DENND5A: variants seen among roughly 807,000 people sequenced by gnomAD.
The protein encoded by DENND5A is DENN domain containing 5A.
In DENND5A, 64 loss-of-function variants were observed where a neutral mutation model predicts 140.3. That is an observed-to-expected ratio of 0.46 (90% CI 0.37 to 0.56). The LOEUF (loss-of-function observed/expected upper bound fraction) is 0.56. Among genes scored for constraint, DENND5A ranks in the 20% least tolerant of loss-of-function variants. The pLI, the probability that DENND5A is intolerant of heterozygous loss-of-function variation, is 0.00. For missense variants in DENND5A, 1,292 were observed against 1,593.8 expected (o/e 0.81, Z 3.22); for synonymous variants, 605 against 607.7 (o/e 1.00, Z 0.07).
intron 3 of DENND5A, among the ~76,000 whole-genome samples, chr11:9,206,406 G>C (rs1446892979): frequency 6.6e-6 from 1 of 152,042 alleles, no homozygotes; most frequent in Non-Finnish European, 1.5e-5. Flanking sequence ...ATAATCAACA[G>C]ATCAGGACCA....
chr11:9,238,193 G>A (rs767703653), intron 1 of DENND5A, among the ~76,000 whole-genome samples: 23 of 151,960 alleles, frequency 1.5e-4, no homozygotes, highest in Non-Finnish European at 2.6e-4. Context: ...GCATACTCAC[G>A]ATACAGTATC....
At chr11:9,238,565 C>T (rs758166620) in intron 1 of DENND5A, among the ~76,000 whole-genome samples, 3 of 151,782 alleles carry the variant, frequency 2.0e-5, no homozygotes, top group African/African-American at 7.3e-5. Flanking sequence ...CACAGGCGCC[C>T]GCCACCAAGC....
rs769758504 is a variant in DENND5A, at chr11:9,165,843, C to T, written c.2276G>A (p.Arg759His). The T allele has an allele frequency of 5.5e-5, 88 of 1,613,908 alleles. No homozygotes were observed. The highest frequency in any genetic ancestry group is 1.7e-4 in the Middle Eastern group (1 of 6,060). Residue 759 changes from arginine (R) to histidine (H), a missense_variant, in exon 11 of 23, where the codon CGC becomes CAC. By Grantham distance (29) the Arg-to-His change is conservative (BLOSUM62 0). Coordinates refer to ENST00000328194, the MANE Select transcript of DENND5A (RefSeq NM_015213.4). ...GAGATGTCCACAGCTTACCTTATTG[C>T]GGCATTCCTTCAGCAGGCCCTCTAC... Reference protein sequence around the residue: ...KFVEGLLKECRNKTKRMLVEK... With the variant: ...KFVEGLLKECHNKTKRMLVEK...
intron 12 of DENND5A, among the ~76,000 whole-genome samples, chr11:9,155,609 G>A (rs1396762911): frequency 6.6e-6 from 1 of 152,204 alleles, no homozygotes; most frequent in African/African-American, 2.4e-5. Flanking sequence ...GTTCAATACA[G>A]CCTGACTATC....
At chr11:9,254,309 G>C (rs1356975671) in intron 1 of DENND5A, among the ~76,000 whole-genome samples, 2 of 152,116 alleles carry the variant, frequency 1.3e-5, no homozygotes, top group East Asian at 3.9e-4. Context: ...CTGTACCCTA[G>C]CCTGGGTCTG....
At chr11:9,215,666 G>C (rs558083051) in intron 1 of DENND5A, among the ~76,000 whole-genome samples, 2 of 151,350 alleles carry the variant, frequency 1.3e-5, no homozygotes, top group African/African-American at 4.9e-5. Context: ...TCCTGTCTCA[G>C]CCTCCCTAGT....
At chr11:9,210,326 C>T (rs1397693027) in intron 1 of DENND5A, among the ~76,000 whole-genome samples, 2 of 152,184 alleles carry the variant, frequency 1.3e-5, no homozygotes, top group African/African-American at 4.8e-5. Flanking sequence ...ATTATACAAA[C>T]ATCAGCAGAT....
Position 9,142,707 on chromosome 11 carries a change from T to A in DENND5A, c.3511+15A>T. ...CTACATGCTTCTCCCACCCTCATAC[T>A]CCAGCTCAACTCACCCAGGAAATCC... On this transcript the variant is annotated intron_variant, in intron 21 of 22. Transcript: ENST00000328194. 6.2e-7 allele frequency: 1 copy of A among 1,613,976 alleles called. No homozygotes were observed. Among genetic ancestry groups the A allele is most frequent in the Non-Finnish European group, 8.5e-7 (1 of 1,179,956 alleles).
chr11:9,236,162 G>A (rs1850991187), intron 1 of DENND5A, among the ~76,000 whole-genome samples: 1 of 151,120 alleles, frequency 6.6e-6, no homozygotes, highest in Non-Finnish European at 1.5e-5. Flanking sequence ...GGTCGAGGCT[G>A]CAGTGAGCCA....
chr11:9,155,855 T>G (rs1256534263), intron 12 of DENND5A, among the ~76,000 whole-genome samples: 1 of 152,246 alleles, frequency 6.6e-6, no homozygotes, highest in Non-Finnish European at 1.5e-5. Context: ...GAGGTTCTTA[T>G]GAAGACTTGC....
Position 9,145,786 on chromosome 11 carries a change from T to G in DENND5A, c.2887A>C (p.Ser963Arg), listed in dbSNP as rs764522991. The change falls in exon 17 of 23, where the codon AGC (serine) becomes CGC (arginine). Residue 963 changes from serine (S) to arginine (R), a missense_variant. Physicochemically the swap from Ser to Arg is moderately radical, Grantham distance 110. Around this residue, in one of 4 missense-constraint regions of DENND5A, gnomAD observed 498 missense variants for 689.7 expected, o/e 0.72. Coordinates refer to ENST00000328194, the MANE Select transcript of DENND5A (RefSeq NM_015213.4). ...AACATGGAGCCCCCCAGCTTCTTGC[T>G]TGGTACGATCAGAATGTGGTACGGG... ...LIPYHILIVPSKKLGGSMFTA... is the reference protein window; with the variant it reads ...LIPYHILIVPRKKLGGSMFTA... 6.2e-7 allele frequency: 1 copy of G among 1,614,060 alleles called. No individual in the cohort carries two copies. Among genetic ancestry groups the G allele is most frequent in the South Asian group, 1.1e-5 (1 of 91,074 alleles).
At chr11:9,225,663 G>C (rs1328097111) in intron 1 of DENND5A, among the ~76,000 whole-genome samples, 2 of 152,192 alleles carry the variant, frequency 1.3e-5, no homozygotes, top group Non-Finnish European at 2.9e-5. Flanking sequence ...TCGGGTGGCT[G>C]AGGCAGGGGA....
At chr11:9,139,877 G>A (rs1847178727) in intron 22 of DENND5A, 23 bp from the exon 23 acceptor site, 2 of 1,611,196 alleles carry the variant, frequency 1.2e-6, no homozygotes, top group Non-Finnish European at 1.7e-6. Context: ...GAGCAGTCCA[G>A]GCAGGTCAGA....
At chr11:9,244,435 T>C (rs1851377171) in intron 1 of DENND5A, among the ~76,000 whole-genome samples, 1 of 152,194 alleles carries the variant, frequency 6.6e-6, no homozygotes. Context: ...AATGGTGTGA[T>C]CTCAGCTCAC....
chr11:9,188,100 G>T (rs1395571741), intron 5 of DENND5A, among the ~76,000 whole-genome samples: 4 of 152,182 alleles, frequency 2.6e-5, no homozygotes, highest in African/African-American at 9.7e-5. Flanking sequence ...ACGTGTTGTG[G>T]GAGGGACCCA....
At chr11:9,169,521 A>G (rs951292774) in intron 10 of DENND5A, among the ~76,000 whole-genome samples, 1 of 151,526 alleles carries the variant, frequency 6.6e-6, no homozygotes, top group South Asian at 2.1e-4. Flanking sequence ...ACACACACAC[A>G]CACACACAAA....
chr11:9,184,805 T>C (rs1044886997), intron 5 of DENND5A, among the ~76,000 whole-genome samples: 1 of 152,260 alleles, frequency 6.6e-6, no homozygotes, highest in African/African-American at 2.4e-5. Flanking sequence ...TGCAGTTCTT[T>C]ATATTCTGTT....
chr11:9,251,122 G>A (rs1182199987), intron 1 of DENND5A, among the ~76,000 whole-genome samples: 1 of 138,698 alleles, frequency 7.2e-6, no homozygotes, highest in Non-Finnish European at 1.5e-5. Flanking sequence ...GCAAGAGAGT[G>A]ACACTCCATC....
chr11:9,254,361 C>T (rs1483224736), intron 1 of DENND5A, among the ~76,000 whole-genome samples: 4 of 152,002 alleles, frequency 2.6e-5, no homozygotes, highest in African/African-American at 9.7e-5. Context: ...TGTATATATA[C>T]AGAAATTTAG....
Sources: allele counts gnomAD v4.1 joint callset (sites outside exome capture counted in the v4.1 genomes callset), GRCh38; gene constraint gnomAD v4.1.1; regional missense constraint gnomAD v4.1.1; transcripts MANE v1.5; gene names NCBI Gene and HGNC (gene_info 2026-07-23, HGNC 2026-07-21).